PWWP2A: variants seen among roughly 807,000 people sequenced by gnomAD.
PWWP2A encodes the protein PWWP domain containing 2A.
PWWP2A carries 18 observed loss-of-function variants against 48.5 expected under a neutral mutation model. The observed-to-expected ratio is 0.37, with a 90% CI of 0.26 to 0.55. PWWP2A has a LOEUF of 0.55. PWWP2A is among the 20% of genes least tolerant of loss of function. The probability of loss-of-function intolerance (pLI) is 0.81; values close to 1 mark genes in which losing one functional copy is unlikely to be tolerated. For missense variants in PWWP2A, 867 were observed against 976.4 expected (o/e 0.89, Z 1.49); for synonymous variants, 396 against 387.7 (o/e 1.02, Z -0.25).
In PWWP2A at chr5:160,100,668, G is replaced by A. The variant is rs999887931; in HGVS notation, c.585-6603C>T. On this transcript the variant is annotated intron_variant, in intron 1 of 1. Coordinates refer to ENST00000307063, the MANE Select transcript of PWWP2A (RefSeq NM_001130864.2). ...ATTTTATTTTGAGCCAATGATTTTAGAAACTACCTTGCCTTACAAACAGCA... is the reference window on the plus strand; with the variant it reads ...ATTTTATTTTGAGCCAATGATTTTAAAAACTACCTTGCCTTACAAACAGCA... Among the ~76,000 whole-genome samples, 3 of 152,166 alleles carry A rather than the reference G, an allele frequency of 2.0e-5. No homozygotes were observed. In the South Asian group the frequency reaches 6.2e-4, roughly 31 times the overall value.
At chr5:160,079,463 T>C (rs1215218369) in intron 3 of PWWP2A, among the ~76,000 whole-genome samples, 2 of 152,178 alleles carry the variant, frequency 1.3e-5, no homozygotes, top group African/African-American at 2.4e-5. Context: ...TTTACACTGT[T>C]TTAAAATTTG....
intron 4 of PWWP2A, chr5:160,065,544 G>T: frequency 2.6e-6 from 1 of 378,620 alleles, no homozygotes; most frequent in Non-Finnish European, 5.2e-6. Flanking sequence ...TCTGTGCTTA[G>T]GTCTGGGTTA....
intron 1 of PWWP2A, among the ~76,000 whole-genome samples, chr5:160,102,701 G>C (rs879588872): frequency 6.6e-6 from 1 of 152,162 alleles, no homozygotes; most frequent in Non-Finnish European, 1.5e-5. Flanking sequence ...CCTAACTTGA[G>C]GGAGAATCAA....
chr5:160,074,083 T>A (rs1316023412), downstream of PWWP2A, among the ~76,000 whole-genome samples: 7 of 140,156 alleles, frequency 5.0e-5, no homozygotes, highest in South Asian at 2.3e-4. Context: ...AAAAAAAAAA[T>A]TTCATTCCGA....
chr5:160,091,865 G>A lies in PWWP2A; in HGVS notation c.*517C>T. ...TAAGTGTTCATTATTTAAAAAACAA[G>A]TAGTCATTAAATATCCACTATTCCC... On this transcript the variant is annotated 3_prime_UTR_variant, in exon 2 of 2. Coordinates refer to ENST00000307063, the MANE Select transcript of PWWP2A (RefSeq NM_001130864.2). 1 of 984,444 alleles carries A rather than the reference G, an allele frequency of 1.0e-6. No individual in the cohort carries two copies. 61.0% of individuals were successfully genotyped at this position (984,444 alleles called of 1,614,324 possible).
the PWWP2A span, among the ~76,000 whole-genome samples, chr5:160,055,638 A>C: frequency 2.0e-5 from 3 of 152,204 alleles, no homozygotes; most frequent in East Asian, 5.8e-4. Context: ...TCAGCAATCT[A>C]AGTTTTAACC....
intron 1 of PWWP2A, among the ~76,000 whole-genome samples, chr5:160,098,903 T>C (rs983453147): frequency 4.6e-5 from 7 of 152,050 alleles, no homozygotes; most frequent in African/African-American, 1.7e-4. Context: ...GCCACTGCAC[T>C]CCAGCACTCC....
At chr5:160,118,606 C>T (rs1286782055) in intron 1 of PWWP2A, among the ~76,000 whole-genome samples, 199 bp downstream of exon 1, 2 of 150,776 alleles carry the variant, frequency 1.3e-5, no homozygotes, top group Non-Finnish European at 3.0e-5. Context: ...GCCCCGCAGG[C>T]GCCCACCTGG....
At chr5:160,049,675 A>C in the PWWP2A span, 1 of 1,550,404 alleles carries the variant, frequency 6.4e-7, no homozygotes, top group Non-Finnish European at 8.7e-7. Flanking sequence ...AAAACCTAAA[A>C]TTTTAAAAAT....
the PWWP2A span, among the ~76,000 whole-genome samples, chr5:160,049,818 C>G: frequency 6.6e-6 from 1 of 152,140 alleles, no homozygotes. Context: ...TGGCTCTTGC[C>G]TGTAATCCCA....
At chr5:160,111,895 C>T (rs1202143796) in intron 1 of PWWP2A, among the ~76,000 whole-genome samples, 3 of 151,790 alleles carry the variant, frequency 2.0e-5, no homozygotes, top group African/African-American at 7.3e-5. Flanking sequence ...TGGCTTACAC[C>T]TGTAATCCCA....
chr5:160,062,866 C>T (rs1388318054), intron 5 of PWWP2A, among the ~76,000 whole-genome samples: 2 of 152,074 alleles, frequency 1.3e-5, no homozygotes, highest in African/African-American at 4.8e-5. Context: ...TGCCAGCGTT[C>T]CTGGTTGGTG....
At chr5:160,086,464 TC>T (rs1403364123), downstream of PWWP2A, among the ~76,000 whole-genome samples, 2 of 151,920 alleles carry the variant, frequency 1.3e-5, no homozygotes, top group Admixed American at 1.3e-4. Flanking sequence ...CTGCAGTGAG[TC>T]ATGATTATAC....
chr5:160,049,588 GA>G, the PWWP2A span: 1 of 1,612,512 alleles, frequency 6.2e-7, no homozygotes, highest in Non-Finnish European at 8.5e-7. Flanking sequence ...GGACAAGCTA[GA>G]TGAAGCCCTG....
downstream of PWWP2A, among the ~76,000 whole-genome samples, chr5:160,087,937 A>T (rs1754769521): frequency 6.6e-6 from 1 of 152,214 alleles, no homozygotes; most frequent in Non-Finnish European, 1.5e-5. Context: ...GAAAACTAAA[A>T]ATATACAGAT....
the PWWP2A span, among the ~76,000 whole-genome samples, chr5:160,056,771 G>A: frequency 2.0e-5 from 3 of 152,076 alleles, no homozygotes; most frequent in African/African-American, 7.2e-5. Flanking sequence ...CCATATTAAA[G>A]AGCTATATAT....
rs11410217 is a variant in PWWP2A at position 160,081,239 on chromosome 5, CTTT to C, written c.1550-472_1550-470del. On this transcript the variant is annotated intron_variant, in intron 2 of 3. Coordinates refer to the PWWP2A transcript ENST00000456329. ...CATAATTAATGAGCTCAATGACCCC[CTTT>C]TTTTTTTTTTTTTTTTGAGACAGTC... Among the ~76,000 whole-genome samples, 696 of 133,718 alleles carry C rather than the reference CTTT, an allele frequency of 5.2e-3. 3 individuals carry two copies. Among genetic ancestry groups the C allele is most frequent in the South Asian group, 0.018 (73 of 4,152 alleles). 87.7% of individuals were successfully genotyped at this position (133,718 alleles called of 152,430 possible). A position where few individuals can be genotyped will look rare whatever the true frequency, so the allele number is the denominator to read the frequency against.
At chr5:160,081,392 C>A (rs1346456432) in intron 2 of PWWP2A, among the ~76,000 whole-genome samples, 1 of 152,100 alleles carries the variant, frequency 6.6e-6, no homozygotes, top group Non-Finnish European at 1.5e-5. Context: ...GCGCCCGCCA[C>A]CACACCTGGC....
chr5:160,109,809 A>AT (rs1166361785), intron 1 of PWWP2A, among the ~76,000 whole-genome samples: 22 of 125,902 alleles, frequency 1.7e-4, no homozygotes, highest in African/African-American at 5.9e-4. Context: ...ATATATATAT[A>AT]AAATAATATA....
Sources: gnomAD v4.1 joint callset for allele counts (sites outside exome capture counted in the v4.1 genomes callset) on GRCh38, gnomAD v4.1.1 for gene constraint, MANE v1.5 for transcripts, NCBI Gene and HGNC (gene_info 2026-07-23, HGNC 2026-07-21) for gene names.